Variants in PUF60 observed in about 807,000 individuals in gnomAD.
PUF60 encodes the protein poly(U) binding splicing factor 60.
Under a neutral mutation model 61.8 loss-of-function variants are expected in PUF60, and 10 were observed. The observed-to-expected ratio is 0.16, with a 90% CI of 0.10 to 0.27. The LOEUF (loss-of-function observed/expected upper bound fraction) is 0.27, where lower values mean the gene tolerates loss of function less well. Among genes scored for constraint, PUF60 ranks in the 10% least tolerant of loss-of-function variants. PUF60 has a pLI of 1.00. For synonymous variants in PUF60, 353 were observed against 300.9 expected (o/e 1.17, Z -1.79); for missense variants, 371 against 754.0 (o/e 0.49, Z 5.95).
chr8:143,828,794 C>A (rs1817951247), intron 1 of PUF60, among the ~76,000 whole-genome samples: 1 of 152,196 alleles, frequency 6.6e-6, no homozygotes, highest in African/African-American at 2.4e-5. Flanking sequence ...AGAACGAATT[C>A]ACAGCTGCAG....
In PUF60 at chr8:143,818,643, T is replaced by C. The variant is rs542357649; in HGVS notation, c.349-109A>G. 19,124 of 1,208,192 alleles carry C rather than the reference T, an allele frequency of 0.016. 201 individuals carry two copies. The highest frequency in any genetic ancestry group is 0.019 in the Non-Finnish European group (17,110 of 885,400). The allele number at this position is 1,208,192 out of a possible 1,614,324, so 74.8% of individuals were successfully genotyped here. ...CACCCAGCCCTGCTGTGGGGAGGGC[T>C]CCCCACATGACAGGGAGGTGCGGGC... On this transcript the variant is annotated intron_variant, in intron 5 of 11. Transcript: ENST00000526683. This position sits in a 1 kb window ranked among gnomAD's most constrained non-coding sequence, Gnocchi z 7.9.
At position 143,818,157 on chromosome 8, in the gene PUF60, C is replaced by G; in HGVS notation, c.603+36G>C. 6.2e-7 allele frequency: 1 copy of G among 1,600,968 alleles called. No homozygotes were observed. The highest frequency in any genetic ancestry group is 8.5e-7 in the Non-Finnish European group (1 of 1,174,248). On this transcript the variant is annotated intron_variant, in intron 7 of 11. Transcript: ENST00000526683. This position sits in a 1 kb window ranked among gnomAD's most constrained non-coding sequence, Gnocchi z 7.9. ...GCTTCCGTGGAGGGGCAGCCCTGCA[C>G]GCCTGCGGGATCGAGGCCTTGGCTC...
intron 1 of PUF60, 41 bp downstream of exon 1, chr8:143,829,239 C>G (rs1178949606): frequency 8.9e-6 from 11 of 1,242,528 alleles, no homozygotes; most frequent in Admixed American, 4.2e-5. Flanking sequence ...CCCGGCCCCG[C>G]AAGCCGAGGG....
Position 143,818,512 on chromosome 8 carries a change from G to A in PUF60, c.371C>T (p.Ala124Val), listed in dbSNP as rs749670489. 1.3e-6 allele frequency: 2 copies of A among 1,599,912 alleles called. No individual in the cohort carries two copies. ...GTAGACGCGGCACATGATGGCCAGC[G>A]CCCGCTGCCGCTGAGCCGCCATCTG... is the stretch of plus-strand genomic sequence containing the variant. Reference protein sequence around the residue: ...LQSMAAQRQRALAIMCRVYVG... With the variant: ...LQSMAAQRQRVLAIMCRVYVG... Residue 124 changes from alanine (A) to valine (V), a missense_variant, in exon 6 of 12, where the codon GCG becomes GTG. Physicochemically the swap from Ala to Val is moderately conservative, Grantham distance 64 (BLOSUM62 0). Around this residue, in one of 13 missense-constraint regions of PUF60, gnomAD observed 35 missense variants for 173.1 expected, o/e 0.20. Coordinates refer to ENST00000526683, the MANE Select transcript of PUF60 (RefSeq NM_078480.3). This position sits in a 1 kb window ranked among gnomAD's most constrained non-coding sequence, Gnocchi z 7.9.
Position 143,818,561 on chromosome 8 carries a change from C to CT in PUF60, c.349-28_349-27insA. 1 of 1,549,442 alleles carries CT rather than the reference C, an allele frequency of 6.5e-7. No homozygotes were observed. Among genetic ancestry groups the CT allele is most frequent in the Non-Finnish European group, 8.7e-7 (1 of 1,145,290 alleles). On this transcript the variant is annotated intron_variant, in intron 5 of 11. Transcript: ENST00000526683. The surrounding 1 kb of genome is among the most constrained non-coding windows in gnomAD (Gnocchi z 7.9). ...TGCAGCAGGACAGAGGGGAGAGAACCGCTGGCTCGTCAGGGGCGGCAGGAA... is the reference window on the plus strand; with the variant it reads ...TGCAGCAGGACAGAGGGGAGAGAACCTGCTGGCTCGTCAGGGGCGGCAGGAA...
intron 4 of PUF60, 43 bp downstream of exon 4, chr8:143,821,554 G>A (rs1328816973): frequency 1.4e-6 from 2 of 1,461,360 alleles, no homozygotes; most frequent in African/African-American, 2.8e-5. Context: ...AGGAGATGGT[G>A]GCTGTGGTGG....
At position 143,821,933 on chromosome 8, in the gene PUF60, A is replaced by G. The variant is rs1161741401; in HGVS notation, c.112-20T>C. 3 of 1,557,432 alleles carry G rather than the reference A, an allele frequency of 1.9e-6. No individual in the cohort carries two copies. The highest frequency in any genetic ancestry group is 2.7e-5 in the African/African-American group (2 of 73,832). On this transcript the variant is annotated intron_variant, in intron 2 of 11. Coordinates refer to ENST00000526683, the MANE Select transcript of PUF60 (RefSeq NM_078480.3). Reference sequence around the variant, plus strand: ...TGTGCCCTGGTAAGGGAGCAGGGGAATCCATCAGCAGCAAGCTCAAGTTCT... The same window carrying G: ...TGTGCCCTGGTAAGGGAGCAGGGGAGTCCATCAGCAGCAAGCTCAAGTTCT...
intron 1 of PUF60, among the ~76,000 whole-genome samples, chr8:143,825,786 C>T (rs373551196): frequency 1.3e-5 from 2 of 152,202 alleles, no homozygotes; most frequent in African/African-American, 4.8e-5. Flanking sequence ...TCTCATTGCC[C>T]ACAGCAAGAG....
At position 143,829,290 on chromosome 8, in the gene PUF60, G is replaced by A; in HGVS notation, c.14C>T (p.Thr5Ile). The A allele has an allele frequency of 7.9e-7, 1 of 1,267,708 alleles. No individual in the cohort carries two copies. Among genetic ancestry groups the A allele is most frequent in the Non-Finnish European group, 1.0e-6 (1 of 999,722 alleles). The allele number at this position is 1,267,708 out of a possible 1,614,324, so 78.5% of individuals were successfully genotyped here. A position where few individuals can be genotyped will look rare whatever the true frequency, so the allele number is the denominator to read the frequency against. Reference sequence around the variant, plus strand: ...GGGGGGCTCACTTACGAGAGCTATGGTCGCCGTCGCCATCTTGCGTCCGTC... The same window carrying A: ...GGGGGGCTCACTTACGAGAGCTATGATCGCCGTCGCCATCTTGCGTCCGTC... Reference protein sequence around the residue: MATATIALQVNGQQG... With the variant: MATAIIALQVNGQQG... Residue 5 changes from threonine to isoleucine, a missense_variant, in exon 1 of 12, where the codon ACC becomes ATC. Coordinates refer to ENST00000526683, the MANE Select transcript of PUF60 (RefSeq NM_078480.3).
intron 4 of PUF60, among the ~76,000 whole-genome samples, chr8:143,821,161 A>G (rs1025889143): frequency 6.6e-6 from 1 of 152,192 alleles, no homozygotes; most frequent in African/African-American, 2.4e-5. Flanking sequence ...CTGTCCCCTC[A>G]GTCCTGGGGC....
In PUF60 at chr8:143,824,358, C is replaced by T. The variant is rs375142105; in HGVS notation, c.66G>A (p.Ala22=). 49 of 1,612,624 alleles carry T rather than the reference C, an allele frequency of 3.0e-5. 1 individual carries two copies. The highest frequency in any genetic ancestry group is 2.8e-4 in the Admixed American group (17 of 60,000). The change falls in exon 2 of 12, where the codon GCG becomes GCA. Residue 22 remains alanine (A), a synonymous_variant. Transcript: ENST00000526683. The stretch of plus-strand genomic sequence containing the variant: ...CTCCCGCTGCCACCACTGCCGCCGC[C>T]GCCGCCGGCTCGGACCCCCCTCCTT... The part of the protein sequence containing the change: ...GQQGGGSEPA[A]AAAVVAAGDK...
At position 143,826,650 on chromosome 8, in the gene PUF60, C is replaced by T. The variant is rs554505224; in HGVS notation, c.25-2251G>A. Among the ~76,000 whole-genome samples the T allele has an allele frequency of 2.6e-5, 4 of 152,208 alleles. No individual in the cohort carries two copies. In the South Asian group the frequency reaches 8.3e-4, roughly 32 times the overall value. The stretch of plus-strand genomic sequence containing the variant: ...CCATGAATTGCCTGAACCCAGGAGG[C>T]AGAGGTTGCAGTGAGCCGGGATCAC... On this transcript the variant is annotated intron_variant, in intron 1 of 11. Coordinates refer to ENST00000526683, the MANE Select transcript of PUF60 (RefSeq NM_078480.3).
chr8:143,817,003 C>G lies in PUF60; in HGVS notation c.1287G>C (p.Glu429Asp). 1 of 1,607,734 alleles carries G rather than the reference C, an allele frequency of 6.2e-7. No homozygotes were observed. Among genetic ancestry groups the G allele is most frequent in the South Asian group, 1.1e-5 (1 of 90,070 alleles). Reference sequence around the variant, plus strand: ...CCTGCTCGCTCAGCATCTCTGGCCGCTCTGACTCGGGAAACAGCTCCTCTT... The same window carrying G: ...CCTGCTCGCTCAGCATCTCTGGCCGGTCTGACTCGGGAAACAGCTCCTCTT... ...KEEEELFPES[E>D]RPEMLSEQEH... Residue 429 changes from glutamate (E) to aspartate (D), a missense_variant, in exon 11 of 12, where the codon GAG becomes GAC. Physicochemically the swap from Glu to Asp is conservative, Grantham distance 45. Around this residue, in one of 13 missense-constraint regions of PUF60, gnomAD observed 68 missense variants for 69.4 expected, o/e 0.98. Coordinates refer to ENST00000526683, the MANE Select transcript of PUF60 (RefSeq NM_078480.3). The surrounding 1 kb of genome is among the most constrained non-coding windows in gnomAD (Gnocchi z 7.4).
rs1817377405 is a variant in PUF60, at chr8:143,824,259, C to CA, written c.111+53_111+54insT. 7 of 1,488,768 alleles carry CA rather than the reference C, an allele frequency of 4.7e-6. No homozygotes were observed. In the East Asian group the frequency reaches 1.8e-4, roughly 39 times the overall value. The allele number at this position is 1,488,768 out of a possible 1,614,324, so 92.2% of individuals were successfully genotyped here. ...GCCCAGGGACGCACAGGCAGGCGGG[C>CA]GGGCGGGCGGGCAGGCGGGCGGGCC... On this transcript the variant is annotated intron_variant, in intron 2 of 11. Transcript: ENST00000526683.
At chr8:143,828,714 A>C (rs1193297222) in intron 1 of PUF60, among the ~76,000 whole-genome samples, 1 of 152,224 alleles carries the variant, frequency 6.6e-6, no homozygotes, top group Admixed American at 6.5e-5. Context: ...ACGTAGGATG[A>C]GAGCGCACGT....
intron 5 of PUF60, 179 bp downstream of exon 5, chr8:143,820,487 G>A (rs1372294572): frequency 5.8e-6 from 4 of 686,874 alleles, no homozygotes; most frequent in Non-Finnish European, 1.0e-5. Context: ...CCCCAGGGGC[G>A]GTCCCGGGTG....
chr8:143,821,561 G>C, intron 4 of PUF60, 36 bp downstream of exon 4: 1 of 1,504,682 alleles, frequency 6.6e-7, no homozygotes, highest in South Asian at 1.2e-5. Flanking sequence ...GGTGGCTGTG[G>C]TGGGGAGGGC....
intron 1 of PUF60, 130 bp downstream of exon 1, chr8:143,829,150 G>A (rs1818012339): frequency 4.1e-6 from 5 of 1,211,356 alleles, no homozygotes; most frequent in South Asian, 8.3e-5. Context: ...GCGACCCGGG[G>A]ACACGAGGGA....
chr8:143,828,229 G>A (rs1817861479), intron 1 of PUF60, among the ~76,000 whole-genome samples: 1 of 152,206 alleles, frequency 6.6e-6, no homozygotes, highest in Non-Finnish European at 1.5e-5. Context: ...GCCCGCTGGG[G>A]GCCTGGCAAT....
Sources: gnomAD v4.1 joint callset for allele counts (sites outside exome capture counted in the v4.1 genomes callset) on GRCh38, gnomAD v4.1.1 for gene constraint, gnomAD v4.1.1 regional missense constraint, Gnocchi (gnomAD v3.1) non-coding constraint, MANE v1.5 for transcripts, NCBI Gene and HGNC (gene_info 2026-07-23, HGNC 2026-07-21) for gene names.